Variants in MBOAT1 observed in about 807,000 individuals in gnomAD.
MBOAT1 encodes membrane-bound glycerophospholipid O-acyltransferase 1.
Under a neutral mutation model 64.4 loss-of-function variants are expected in MBOAT1, and 67 were observed. The observed-to-expected ratio is 1.04, with a 90% CI of 0.85 to 1.27. MBOAT1 has a LOEUF of 1.27. Ranked by LOEUF, MBOAT1 falls within the 50% of genes most tolerant of loss-of-function variation. MBOAT1 has a pLI of 0.00. For missense variants in MBOAT1, 563 were observed against 604.6 expected, an observed-to-expected ratio of 0.93 and a Z score of 0.72; for synonymous variants, 229 against 218.9, an observed-to-expected ratio of 1.05 and a Z score of -0.41.
chr6:20,109,901 ACTTTTT>A (rs1207466511), intron 11 of MBOAT1, 152 bp from the exon 12 acceptor site: 32 of 297,914 alleles, frequency 1.1e-4, no homozygotes, highest in Non-Finnish European at 1.7e-4. Flanking sequence ...TACCATCAGG[ACTTTTT>A]TTTTTTTTTT....
chr6:20,207,581 C>A (rs1393664374), intron 1 of MBOAT1, among the ~76,000 whole-genome samples: 1 of 152,054 alleles, frequency 6.6e-6, no homozygotes, highest in East Asian at 1.9e-4. Flanking sequence ...TAAAAAAAAT[C>A]TAAGGAAGAA....
At position 20,193,253 on chromosome 6, in the gene MBOAT1, G is replaced by A. The variant is rs377672253; in HGVS notation, c.99+18883C>T. ...GATCTCCTGACCTCCTGATCCGCCC[G>A]CCTAGGCCTCCCAGAGTGCTGGGAT... On this transcript the variant is annotated intron_variant, in intron 1 of 12. Coordinates refer to ENST00000324607, the MANE Select transcript of MBOAT1 (RefSeq NM_001080480.3). Among the ~76,000 whole-genome samples, 230 of 152,050 alleles carry A rather than the reference G, an allele frequency of 1.5e-3. 3 individuals are homozygous for A. The East Asian group carries it at 0.032, about 21-fold the overall frequency.
chr6:20,100,999 C>T lies in MBOAT1; in HGVS notation c.*1287G>A, dbSNP rs1281822649. 6.6e-6 allele frequency among the ~76,000 whole-genome samples: 1 copy of T among 152,116 alleles called. No individual in the cohort carries two copies. Among genetic ancestry groups the T allele is most frequent in the East Asian group, 1.9e-4 (1 of 5,180 alleles). ...ATATGATGATTCAACTAAAACAAAGCTGAATTTCTCAGCTATGAAACTGAA... is the reference window on the plus strand; with the variant it reads ...ATATGATGATTCAACTAAAACAAAGTTGAATTTCTCAGCTATGAAACTGAA... On this transcript the variant is annotated 3_prime_UTR_variant, in exon 13 of 13. Transcript: ENST00000324607.
intron 11 of MBOAT1, among the ~76,000 whole-genome samples, chr6:20,110,853 A>G (rs1760117351): frequency 6.6e-6 from 1 of 152,174 alleles, no homozygotes; most frequent in Non-Finnish European, 1.5e-5. Context: ...TTGCTATTAT[A>G]AACAATTATG....
intron 3 of MBOAT1, among the ~76,000 whole-genome samples, chr6:20,147,395 T>C (rs1384415900): frequency 6.6e-6 from 1 of 152,244 alleles, no homozygotes; most frequent in East Asian, 1.9e-4. Context: ...ATCCCAGCAC[T>C]TTGGGAGGCC....
chr6:20,155,952 C>T (rs1291795865), intron 1 of MBOAT1, among the ~76,000 whole-genome samples: 2 of 152,130 alleles, frequency 1.3e-5, no homozygotes, highest in African/African-American at 4.8e-5. Context: ...ATTCATGAAC[C>T]ACTGAATGTT....
At chr6:20,178,183 C>G (rs1762407691) in intron 1 of MBOAT1, among the ~76,000 whole-genome samples, 1 of 152,192 alleles carries the variant, frequency 6.6e-6, no homozygotes, top group African/African-American at 2.4e-5. Flanking sequence ...AAATCTACTA[C>G]TTTGGAACCC....
At chr6:20,168,491 C>CAGAGAG (rs1054298582) in intron 1 of MBOAT1, among the ~76,000 whole-genome samples, 1 of 109,164 alleles carries the variant, frequency 9.2e-6, no homozygotes, top group Admixed American at 9.7e-5. Context: ...GAGACAGAGA[C>CAGAGAG]AGAGAGAGAG....
At chr6:20,185,891 C>T (rs963880608) in intron 1 of MBOAT1, among the ~76,000 whole-genome samples, 2 of 152,166 alleles carry the variant, frequency 1.3e-5, no homozygotes, top group African/African-American at 4.8e-5. Context: ...TACCTGCTGT[C>T]TCCCATCAAT....
At chr6:20,118,219 A>G (rs1437819165) in intron 9 of MBOAT1, among the ~76,000 whole-genome samples, 1 of 151,816 alleles carries the variant, frequency 6.6e-6, no homozygotes, top group Non-Finnish European at 1.5e-5. Context: ...TCTTCCTTGA[A>G]CCATTAGAAC....
At chr6:20,111,883 T>TATATACATATATATATACATATATAC in intron 11 of MBOAT1, among the ~76,000 whole-genome samples, 1 of 140,228 alleles carries the variant, frequency 7.1e-6, no homozygotes, top group East Asian at 2.0e-4. Flanking sequence ...TATATATGTA[T>TATATACATATATATATACATATATAC]ATATATATAT....
intron 1 of MBOAT1, among the ~76,000 whole-genome samples, chr6:20,205,758 G>GC (rs955441800): frequency 7.9e-5 from 12 of 151,802 alleles, no homozygotes; most frequent in East Asian, 5.8e-4. Flanking sequence ...CTTCCAAAAG[G>GC]CCCCCCCACC....
intron 4 of MBOAT1, among the ~76,000 whole-genome samples, chr6:20,133,266 G>A (rs1042579746): frequency 6.6e-6 from 1 of 152,206 alleles, no homozygotes; most frequent in African/African-American, 2.4e-5. Flanking sequence ...AGTGTAGCAA[G>A]ATGTACTCAC....
In MBOAT1 at chr6:20,109,713, T is replaced by C. The variant is rs202103289; in HGVS notation, c.1246A>G (p.Arg416Gly). ...GCATCATACACAGCCTTGAGAGCTCTTGAAGAAAGGAAGTAATGTCTGTAG... is the reference window on the plus strand; with the variant it reads ...GCATCATACACAGCCTTGAGAGCTCCTGAAGAAAGGAAGTAATGTCTGTAG... Reference protein sequence around the residue: ...NNYRHYFLSSRALKAVYDAGT... With the variant: ...NNYRHYFLSSGALKAVYDAGT... Residue 416 changes from arginine to glycine, a missense_variant, in exon 12 of 13, where the codon AGA becomes GGA. Coordinates refer to ENST00000324607, the MANE Select transcript of MBOAT1 (RefSeq NM_001080480.3). The C allele has an allele frequency of 1.1e-4, 173 of 1,614,076 alleles. No individual in the cohort carries two copies. The highest frequency in any genetic ancestry group is 1.3e-4 in the Admixed American group (8 of 60,012).
intron 8 of MBOAT1, among the ~76,000 whole-genome samples, chr6:20,122,646 G>C (rs900081022): frequency 6.6e-6 from 1 of 152,108 alleles, no homozygotes; most frequent in African/African-American, 2.4e-5. Context: ...AATTTGGACT[G>C]GGGGAGGAAG....
At chr6:20,123,822 C>T (rs1444331426) in intron 8 of MBOAT1, among the ~76,000 whole-genome samples, 1 of 152,032 alleles carries the variant, frequency 6.6e-6, no homozygotes, top group Non-Finnish European at 1.5e-5. Flanking sequence ...TTTGGGAGGC[C>T]AGGGCGGGCA....
rs1274188247 is a variant in MBOAT1 at position 20,152,681 on chromosome 6, A to T, written c.188T>A (p.Val63Asp). Residue 63 changes from valine (V) to aspartate (D), a missense_variant, in exon 2 of 13, where the codon GTC becomes GAC. Coordinates refer to ENST00000324607, the MANE Select transcript of MBOAT1 (RefSeq NM_001080480.3). ...AAAAATGGTGGCAACCGCATGCCGG[A>T]CATCAGAGCTGGTTGTACCAGGACG... ...YLRPGTTSSD[V>D]RHAVATIFGI... is the part of the protein sequence containing the mutation. The T allele has an allele frequency of 2.5e-6, 4 of 1,612,096 alleles. No homozygotes were observed. Among genetic ancestry groups the T allele is most frequent in the Non-Finnish European group, 3.4e-6 (4 of 1,178,754 alleles).
intron 1 of MBOAT1, among the ~76,000 whole-genome samples, chr6:20,204,166 T>C (rs984124496): frequency 6.6e-6 from 1 of 152,210 alleles, no homozygotes; most frequent in Non-Finnish European, 1.5e-5. Flanking sequence ...CCCTCTCCCC[T>C]CTAATTTCCC....
At chr6:20,117,868 T>C (rs771790992) in intron 9 of MBOAT1, among the ~76,000 whole-genome samples, 7 of 152,188 alleles carry the variant, frequency 4.6e-5, no homozygotes, top group Non-Finnish European at 8.8e-5. Context: ...AAATCCAGAA[T>C]GATGTGGCCC....
Sources: gnomAD v4.1 joint callset for allele counts (sites outside exome capture counted in the v4.1 genomes callset) on GRCh38, gnomAD v4.1.1 for gene constraint, MANE v1.5 for transcripts, NCBI Gene and HGNC (gene_info 2026-07-23, HGNC 2026-07-21) for gene names.